PIEZO2: variants seen among roughly 807,000 people sequenced by gnomAD.
PIEZO2 encodes the protein piezo type mechanosensitive ion channel component 2.
Under a neutral mutation model 337.3 loss-of-function variants are expected in PIEZO2, and 172 were observed. The observed-to-expected ratio is 0.51, with a 90% CI of 0.45 to 0.58. PIEZO2 has a LOEUF of 0.58. Among genes scored for constraint, PIEZO2 ranks in the 20% least tolerant of loss-of-function variants. The pLI is 0.00. For missense variants in PIEZO2, 3,028 were observed against 3,391.3 expected (o/e 0.89, Z 2.66); for synonymous variants, 1,251 against 1,228.5 (o/e 1.02, Z -0.38).
intron 31 of PIEZO2, among the ~76,000 whole-genome samples, chr18:10,743,510 C>T (rs553477175): frequency 6.6e-6 from 1 of 152,240 alleles, no homozygotes; most frequent in African/African-American, 2.4e-5. Flanking sequence ...ACCCCTTGGC[C>T]CATCCAGAAT....
At chr18:10,959,485 T>C (rs1012857177) in intron 3 of PIEZO2, among the ~76,000 whole-genome samples, 5 of 152,166 alleles carry the variant, frequency 3.3e-5, no homozygotes, top group Admixed American at 6.5e-5. Context: ...ACTGTAAAGG[T>C]TGACATGAGA....
rs925169076 is a variant in PIEZO2, at chr18:11,031,940, C to A, written c.160+34187G>T. 6.6e-6 allele frequency among the ~76,000 whole-genome samples: 1 copy of A among 152,160 alleles called. No individual in the cohort carries two copies. Among genetic ancestry groups the A allele is most frequent in the African/African-American group, 2.4e-5 (1 of 41,422 alleles). On this transcript the variant is annotated intron_variant, in intron 2 of 55. Coordinates refer to ENST00000674853, the MANE Select transcript of PIEZO2 (RefSeq NM_001378183.1). The surrounding 1 kb of genome is among the most constrained non-coding windows in gnomAD (Gnocchi z 4.7). Reference sequence around the variant, plus strand: ...CACATTTCCAAGATACGAGACAAAACTCGTTCTCTCTCTGTCTTTCTCTGT... The same window carrying A: ...CACATTTCCAAGATACGAGACAAAAATCGTTCTCTCTCTGTCTTTCTCTGT...
intron 2 of PIEZO2, among the ~76,000 whole-genome samples, chr18:11,014,410 C>G (rs752049838): frequency 2.0e-5 from 3 of 150,394 alleles, no homozygotes; most frequent in Middle Eastern, 3.7e-3. Context: ...GAGCACGTCA[C>G]TCTGCGTGGG....
chr18:11,143,003 C>T lies in PIEZO2; in HGVS notation c.64+5522G>A, dbSNP rs1410234270. 6.6e-6 allele frequency among the ~76,000 whole-genome samples: 1 copy of T among 152,128 alleles called. No homozygotes were observed. Among genetic ancestry groups the T allele is most frequent in the Non-Finnish European group, 1.5e-5 (1 of 68,014 alleles). The stretch of plus-strand genomic sequence containing the variant: ...CTGAGACAGGAGAATGGCATGAACC[C>T]AGGAGGCGGAGCTTGCAGTGAGCCA... On this transcript the variant is annotated intron_variant, in intron 1 of 55. Transcript: ENST00000674853. The surrounding 1 kb of genome is among the most constrained non-coding windows in gnomAD (Gnocchi z 4.9).
rs530780604 is a variant in PIEZO2, at chr18:11,079,082, A to C, written c.65-12860T>G. ...TGAGCTCACTATAGGTGTTTCCATC[A>C]GCTCATGAACTTGAGATTGTTTGAT... On this transcript the variant is annotated intron_variant, in intron 1 of 55. Transcript: ENST00000674853. Among the ~76,000 whole-genome samples the C allele has an allele frequency of 9.0e-4, 137 of 152,312 alleles. 1 individual carries two copies. Among genetic ancestry groups the C allele is most frequent in the African/African-American group, 3.1e-3 (127 of 41,582 alleles).
intron 4 of PIEZO2, among the ~76,000 whole-genome samples, chr18:10,883,760 T>G: frequency 6.7e-6 from 1 of 149,518 alleles, no homozygotes. Flanking sequence ...TCTCCAATCC[T>G]CCCCACCTCA....
At chr18:10,852,764 C>T (rs1301187169) in intron 7 of PIEZO2, among the ~76,000 whole-genome samples, 2 of 152,156 alleles carry the variant, frequency 1.3e-5, no homozygotes, top group African/African-American at 4.8e-5. Flanking sequence ...AGAATTCTGG[C>T]ACCGTCTTCA....
chr18:10,704,732 T>C (rs773533872), intron 41 of PIEZO2, 80 bp from the exon 42 acceptor site: 47 of 1,452,076 alleles, frequency 3.2e-5, no homozygotes, highest in Non-Finnish European at 4.2e-5. Flanking sequence ...TTGCCCAGGC[T>C]GGAGTGCAAT....
Position 10,888,813 on chromosome 18 carries a change from A to C in PIEZO2, c.330-17398T>G, listed in dbSNP as rs1482121523. 6.6e-6 allele frequency among the ~76,000 whole-genome samples: 1 copy of C among 151,852 alleles called. No homozygotes were observed. Among genetic ancestry groups the C allele is most frequent in the Non-Finnish European group, 1.5e-5 (1 of 67,988 alleles). On this transcript the variant is annotated intron_variant, in intron 4 of 55. Transcript: ENST00000674853. This position sits in a 1 kb window ranked among gnomAD's most constrained non-coding sequence, Gnocchi z 4.1. Reference sequence around the variant, plus strand: ...ATTCCCAATCCATAGCAACTGCCACATCCAGCTGTCACTTCTGCAACCCCC... The same window carrying C: ...ATTCCCAATCCATAGCAACTGCCACCTCCAGCTGTCACTTCTGCAACCCCC...
chr18:10,702,634 C>T (rs1002369603), intron 42 of PIEZO2, among the ~76,000 whole-genome samples: 24 of 152,336 alleles, frequency 1.6e-4, no homozygotes, highest in Admixed American at 7.8e-4. Flanking sequence ...TCACTTTCCT[C>T]CATCATATCT....
chr18:10,762,388 C>G (rs548007775), intron 23 of PIEZO2, 112 bp downstream of exon 23: 3 of 1,320,396 alleles, frequency 2.3e-6, no homozygotes, highest in East Asian at 5.1e-5. Flanking sequence ...CCAAATCCCA[C>G]ATGAGAAGAT....
chr18:10,985,914 G>T (rs2034851974), intron 2 of PIEZO2, among the ~76,000 whole-genome samples: 1 of 151,854 alleles, frequency 6.6e-6, no homozygotes, highest in Non-Finnish European at 1.5e-5. Context: ...TGGGTTAACT[G>T]CTCCCATTAA....
In PIEZO2 at chr18:10,819,855, C is replaced by G. The variant is rs1038049843; in HGVS notation, c.918-12581G>C. Among the ~76,000 whole-genome samples, 1 of 152,174 alleles carries G rather than the reference C, an allele frequency of 6.6e-6. No homozygotes were observed. The highest frequency in any genetic ancestry group is 1.5e-5 in the Non-Finnish European group (1 of 68,018). On this transcript the variant is annotated intron_variant, in intron 7 of 55. Coordinates refer to ENST00000674853, the MANE Select transcript of PIEZO2 (RefSeq NM_001378183.1). The surrounding 1 kb of genome is among the most constrained non-coding windows in gnomAD (Gnocchi z 4.3). The stretch of plus-strand genomic sequence containing the variant: ...CCTCTAATATTTGTGTAGTGCAGGT[C>G]TGCTGGTGCAAAATTCTCTCAGTCT...
At chr18:11,023,650 C>A (rs892296514) in intron 2 of PIEZO2, among the ~76,000 whole-genome samples, 5 of 152,242 alleles carry the variant, frequency 3.3e-5, no homozygotes. Flanking sequence ...CGTGTGCCCA[C>A]ACTCCTCAGC....
intron 41 of PIEZO2, 116 bp downstream of exon 41, chr18:10,705,220 C>G (rs912318288): frequency 2.3e-6 from 3 of 1,297,070 alleles, no homozygotes; most frequent in East Asian, 5.1e-5. Flanking sequence ...TCTGTTTGCT[C>G]TAAGTGTCCA....
Position 11,009,852 on chromosome 18 carries a change from C to A in PIEZO2, c.161-30192G>T, listed in dbSNP as rs190722879. Among the ~76,000 whole-genome samples, 1 of 151,980 alleles carries A rather than the reference C, an allele frequency of 6.6e-6. No individual in the cohort carries two copies. The highest frequency in any genetic ancestry group is 1.5e-5 in the Non-Finnish European group (1 of 68,014). ...GACGCGGACAGGCACAGAAGGGAGA[C>A]CGCATGGAGACACAAAGAGAAGACA... is the stretch of plus-strand genomic sequence containing the variant. On this transcript the variant is annotated intron_variant, in intron 2 of 55. Coordinates refer to ENST00000674853, the MANE Select transcript of PIEZO2 (RefSeq NM_001378183.1). The surrounding 1 kb of genome is among the most constrained non-coding windows in gnomAD (Gnocchi z 4.6).
At chr18:10,994,404 T>C (rs28856712) in intron 2 of PIEZO2, among the ~76,000 whole-genome samples, 4,097 of 77,498 alleles carry the variant, frequency 0.053, 123 homozygotes, top group African/African-American at 0.12. Context: ...TTCTTTCTTT[T>C]TTTTTTTTTT....
At chr18:10,740,937 G>T in intron 33 of PIEZO2, 94 bp downstream of exon 33, 1 of 1,259,428 alleles carries the variant, frequency 7.9e-7, no homozygotes, top group Non-Finnish European at 1.1e-6. Context: ...ATCAAACCAT[G>T]CATGGAACAC....
Position 10,943,704 on chromosome 18 carries a change from G to A in PIEZO2, c.287-32476C>T, listed in dbSNP as rs2032844124. Among the ~76,000 whole-genome samples the A allele has an allele frequency of 6.6e-6, 1 of 152,154 alleles. No homozygotes were observed. Among genetic ancestry groups the A allele is most frequent in the African/African-American group, 2.4e-5 (1 of 41,420 alleles). On this transcript the variant is annotated intron_variant, in intron 3 of 55. Coordinates refer to ENST00000674853, the MANE Select transcript of PIEZO2 (RefSeq NM_001378183.1). This position sits in a 1 kb window ranked among gnomAD's most constrained non-coding sequence, Gnocchi z 4.5. ...TGAGACTTTGGGGGACTGTTGGGAA[G>A]GCATGATTGGTTTTGAAATGTGAAG... is the stretch of plus-strand genomic sequence containing the variant.
Sources: gnomAD v4.1 joint callset for allele counts (sites outside exome capture counted in the v4.1 genomes callset) on GRCh38, gnomAD v4.1.1 for gene constraint, Gnocchi (gnomAD v3.1) non-coding constraint, MANE v1.5 for transcripts, NCBI Gene and HGNC (gene_info 2026-07-23, HGNC 2026-07-21) for gene names.